Variants in ITGB7 observed in about 807,000 individuals in gnomAD.
ITGB7 encodes the protein integrin beta-7.
ITGB7 carries 55 observed loss-of-function variants against 83.4 expected under a neutral mutation model. The ratio of observed to expected loss-of-function variants is 0.66; its 90% confidence interval spans 0.53 to 0.83. The LOEUF (loss-of-function observed/expected upper bound fraction) is 0.83, where lower values mean the gene tolerates loss of function less well. Ranked by LOEUF, ITGB7 falls within the 40% of genes least tolerant of loss-of-function variation. ITGB7 has a pLI of 0.00. For synonymous variants in ITGB7, 454 were observed against 423.6 expected, an observed-to-expected ratio of 1.07 and a Z score of -0.88; for missense variants, 921 against 1,046.7, an observed-to-expected ratio of 0.88 and a Z score of 1.66.
intron 2 of ITGB7, 27 bp from the exon 3 acceptor site, chr12:53,200,473 G>T (rs946721881): frequency 6.2e-7 from 1 of 1,600,998 alleles, no homozygotes; most frequent in African/African-American, 1.3e-5. Flanking sequence ...AGGGGGACAT[G>T]TGGGTCCTCA....
At chr12:53,194,675 G>T in intron 9 of ITGB7, 1 of 242,602 alleles carries the variant, frequency 4.1e-6, no homozygotes, top group Non-Finnish European at 8.2e-6. Context: ...GTGCATGCCA[G>T]GTCTAAAGGG....
Position 53,191,536 on chromosome 12 carries a change from G to T in ITGB7, c.*20C>A. ...CTGTCCTCCAAGGAGAAGAGCCTTG[G>T]GTAAGTGTCCCTCCCTCCTTCAGAG... is the stretch of plus-strand genomic sequence containing the variant. On this transcript the variant is annotated 3_prime_UTR_variant, in exon 16 of 16. Transcript: ENST00000267082. The T allele has an allele frequency of 3.8e-6, 6 of 1,586,044 alleles. No individual in the cohort carries two copies. The South Asian group carries it at 5.5e-5, about 15-fold the overall frequency.
Position 53,197,743 on chromosome 12 carries a change from A to T in ITGB7, c.403+7T>A. 1 of 1,583,252 alleles carries T rather than the reference A, an allele frequency of 6.3e-7. No individual in the cohort carries two copies. The highest frequency in any genetic ancestry group is 1.4e-5 in the African/African-American group (1 of 74,038). On this transcript the variant is annotated splice_region_variant and intron_variant, in intron 4 of 15. Coordinates refer to ENST00000267082, the MANE Select transcript of ITGB7 (RefSeq NM_000889.3). The stretch of plus-strand genomic sequence containing the variant: ...CCTCTGGCCTGGCCCCGCCTCCCCT[A>T]ACTCACCAGGCCGCAGCGTGACCCG...
intron 2 of ITGB7, 97 bp downstream of exon 2, chr12:53,200,975 G>C (rs1401844173): frequency 3.9e-5 from 6 of 153,844 alleles, no homozygotes; most frequent in Non-Finnish European, 7.2e-5. Flanking sequence ...TCCTTCCTGT[G>C]TGCAGACTTC....
At chr12:53,192,072 C>T (rs969585030) in intron 14 of ITGB7, 53 bp from the exon 15 acceptor site, 1 of 1,581,236 alleles carries the variant, frequency 6.3e-7, no homozygotes, top group Non-Finnish European at 8.6e-7. Flanking sequence ...AGGGACAGAT[C>T]ATCAGTTGCT....
chr12:53,197,427 G>T, intron 5 of ITGB7, 66 bp downstream of exon 5: 2 of 1,576,690 alleles, frequency 1.3e-6, no homozygotes, highest in Non-Finnish European at 8.7e-7. Context: ...CCAGGATGTT[G>T]GCAGAGGCTA....
Position 53,197,758 on chromosome 12 carries a change from A to G in ITGB7, c.395T>C (p.Leu132Pro). Residue 132 changes from leucine (L) to proline (P), a missense_variant, in exon 4 of 16, where the codon CTG becomes CCG. Transcript: ENST00000267082. Reference sequence around the variant, plus strand: ...CGCCTCCCCTAACTCACCAGGCCGCAGCGTGACCCGGACCCGCTGCGGCGC... The same window carrying G: ...CGCCTCCCCTAACTCACCAGGCCGCGGCGTGACCCGGACCCGCTGCGGCGC... Reference protein sequence around the residue: ...QLAPQRVRVTLRPGEPQQLQV... With the variant: ...QLAPQRVRVTPRPGEPQQLQV... 1 of 1,575,420 alleles carries G rather than the reference A, an allele frequency of 6.3e-7. No homozygotes were observed. Among genetic ancestry groups the G allele is most frequent in the Non-Finnish European group, 8.6e-7 (1 of 1,162,420 alleles).
intron 8 of ITGB7, 43 bp from the exon 9 acceptor site, chr12:53,195,506 A>G (rs1471138711): frequency 1.9e-6 from 3 of 1,560,556 alleles, no homozygotes; most frequent in African/African-American, 1.4e-5. Flanking sequence ...TCACAGCTCT[A>G]GGAAAATGGG....
At position 53,193,947 on chromosome 12, in the gene ITGB7, C is replaced by G; in HGVS notation, c.1309-46G>C. 2.0e-6 allele frequency: 3 copies of G among 1,536,674 alleles called. No individual in the cohort carries two copies. In the African/African-American group the frequency reaches 4.1e-5, roughly 21 times the overall value. ...GGCCATGGTTATACACATGCACACA[C>G]ACATACCCCAAACTCACCAATCATC... On this transcript the variant is annotated intron_variant, in intron 10 of 15. Transcript: ENST00000267082.
chr12:53,194,416 C>A, intron 9 of ITGB7, 72 bp from the exon 10 acceptor site: 1 of 1,484,510 alleles, frequency 6.7e-7, no homozygotes, highest in Non-Finnish European at 9.2e-7. Flanking sequence ...ATGTCCTCTC[C>A]AGGTGTTCCC....
At chr12:53,191,818 G>C in intron 15 of ITGB7, 41 bp downstream of exon 15, 1 of 1,611,672 alleles carries the variant, frequency 6.2e-7, no homozygotes, top group Non-Finnish European at 8.5e-7. Context: ...CTTGTGGTGG[G>C]GGAACAGCTA....
rs1292352768 is a variant in ITGB7 at position 53,192,832 on chromosome 12, A to G, written c.1805T>C (p.Met602Thr). The part of the protein sequence containing the change: ...TGRACECSGD[M>T]DSCISPEGGL... ...TCCCTCGGGACTGATGCAACTGTCCATGTCCCCACTGCATTCGCATGCTCT... is the reference window on the plus strand; with the variant it reads ...TCCCTCGGGACTGATGCAACTGTCCGTGTCCCCACTGCATTCGCATGCTCT... Residue 602 changes from methionine (M) to threonine (T), a missense_variant, in exon 13 of 16, where the codon ATG (methionine) becomes ACG (threonine). Coordinates refer to ENST00000267082, the MANE Select transcript of ITGB7 (RefSeq NM_000889.3). 8.1e-6 allele frequency: 13 copies of G among 1,614,182 alleles called. No individual in the cohort carries two copies. The highest frequency in any genetic ancestry group is 1.7e-5 in the Admixed American group (1 of 60,034).
At chr12:53,196,305 T>C in intron 6 of ITGB7, 106 bp from the exon 7 acceptor site, 1 of 1,363,326 alleles carries the variant, frequency 7.3e-7, no homozygotes, top group South Asian at 1.3e-5. Context: ...CTGAGTCAGC[T>C]TGTCCATCCC....
chr12:53,193,482 A>AAAGG, intron 11 of ITGB7, 119 bp from the exon 12 acceptor site: 1 of 809,574 alleles, frequency 1.2e-6, no homozygotes, highest in Non-Finnish European at 1.9e-6. Flanking sequence ...CAAACAGCTG[A>AAAGG]AAGGATGTTA....
Position 53,193,481 on chromosome 12 carries a change from G to C in ITGB7, c.1503-118C>G, listed in dbSNP as rs186351197. ...AAGAGTTGGAGACAGACAAACAGCT[G>C]AAAGGATGTTAAGTATAGTGAAACA... is the stretch of plus-strand genomic sequence containing the variant. On this transcript the variant is annotated intron_variant, in intron 11 of 15. Coordinates refer to ENST00000267082, the MANE Select transcript of ITGB7 (RefSeq NM_000889.3). The C allele has an allele frequency of 1.4e-3, 1,147 of 818,030 alleles. 26 individuals are homozygous for C. In the South Asian group the frequency reaches 0.016, roughly 11 times the overall value. The allele number at this position is 818,030 out of a possible 1,614,324, so 50.7% of individuals were successfully genotyped here. A position where few individuals can be genotyped will look rare whatever the true frequency, so the allele number is the denominator to read the frequency against.
intron 1 of ITGB7, among the ~76,000 whole-genome samples, chr12:53,203,642 T>G: frequency 1.1e-5 from 1 of 94,218 alleles, no homozygotes; most frequent in Non-Finnish European, 1.8e-5. Flanking sequence ...AGCGAGACCC[T>G]GTCTCAAAAA....
Position 53,200,532 on chromosome 12 carries a change from A to T in ITGB7, c.-3-86T>A, listed in dbSNP as rs1942301548. The T allele has an allele frequency of 3.8e-6, 4 of 1,056,240 alleles. No individual in the cohort carries two copies. In the South Asian group the frequency reaches 4.3e-5, roughly 11 times the overall value. The allele number at this position is 1,056,240 out of a possible 1,614,324, so 65.4% of individuals were successfully genotyped here. On this transcript the variant is annotated intron_variant, in intron 2 of 15. Transcript: ENST00000267082. ...CCTCTAAACTTAGCTTGTGGTTATC[A>T]CTCTCAAAACTCTGCCCCAACACTT...
chr12:53,200,140 A>T, intron 3 of ITGB7, 103 bp downstream of exon 3: 1 of 1,019,472 alleles, frequency 9.8e-7, no homozygotes, highest in East Asian at 2.5e-5. Flanking sequence ...CCAGAAAATC[A>T]TACATGTGCC....
At chr12:53,196,498 A>C in intron 6 of ITGB7, 81 bp downstream of exon 6, 1 of 1,515,022 alleles carries the variant, frequency 6.6e-7, no homozygotes. Flanking sequence ...CACCCCCTAG[A>C]ACTGTGCACT....
Sources: gnomAD v4.1 joint callset for allele counts (sites outside exome capture counted in the v4.1 genomes callset) on GRCh38, gnomAD v4.1.1 for gene constraint, MANE v1.5 for transcripts, NCBI Gene and HGNC (gene_info 2026-07-23, HGNC 2026-07-21) for gene names.